The following CACNA2D3 variants were observed in gnomAD, a reference collection of about 807,000 sequenced individuals.
The protein encoded by CACNA2D3 is voltage-dependent calcium channel subunit alpha-2/delta-3.
In CACNA2D3, 60 loss-of-function variants were observed where a neutral mutation model predicts 160.6. The ratio of observed to expected loss-of-function variants is 0.37; its 90% confidence interval spans 0.30 to 0.46. The LOEUF is 0.46. Among genes scored for constraint, CACNA2D3 ranks in the 20% least tolerant of loss-of-function variants. The pLI is 1.00. For synonymous variants in CACNA2D3, 558 were observed against 492.9 expected (o/e 1.13, Z -1.75); for missense variants, 1,205 against 1,365.0 (o/e 0.88, Z 1.85).
Position 54,800,459 on chromosome 3 carries a change from G to A in CACNA2D3, c.1381-16394G>A, listed in dbSNP as rs569164748. ...CAGCCGGATGATCACCCACAATAAG[G>A]CTGAAGAATGGCAATTTTAATTGGA... On this transcript the variant is annotated intron_variant, in intron 13 of 37. Transcript: ENST00000474759. Among the ~76,000 whole-genome samples the A allele has an allele frequency of 5.3e-5, 8 of 152,248 alleles. No homozygotes were observed. The South Asian group carries it at 6.2e-4, about 12-fold the overall frequency.
At chr3:54,450,925 T>G (rs1361001458) in intron 4 of CACNA2D3, among the ~76,000 whole-genome samples, 1 of 152,160 alleles carries the variant, frequency 6.6e-6, no homozygotes, top group East Asian at 1.9e-4. Context: ...ACAAGTTATC[T>G]GCTTTTGAAA....
chr3:54,507,173 G>A (rs1701384488), intron 5 of CACNA2D3, among the ~76,000 whole-genome samples: 1 of 151,920 alleles, frequency 6.6e-6, no homozygotes, highest in African/African-American at 2.4e-5. Context: ...TGTCCACCCG[G>A]GTGAGACCCT....
intron 5 of CACNA2D3, among the ~76,000 whole-genome samples, chr3:54,538,433 T>C (rs1047604992): frequency 3.3e-5 from 5 of 152,160 alleles, no homozygotes; most frequent in African/African-American, 1.2e-4. Flanking sequence ...CATCCGTTCA[T>C]GAAGGAAGCT....
chr3:54,836,644 G>T (rs1698697172), intron 14 of CACNA2D3, among the ~76,000 whole-genome samples: 1 of 151,966 alleles, frequency 6.6e-6, no homozygotes, highest in African/African-American at 2.4e-5. Context: ...TTTCCATCTG[G>T]GACTGGCATT....
chr3:54,232,385 C>T (rs1478356794), intron 2 of CACNA2D3, among the ~76,000 whole-genome samples: 1 of 152,080 alleles, frequency 6.6e-6, no homozygotes, highest in African/African-American at 2.4e-5. Context: ...GTGTGAGTGT[C>T]AGTTGTCACT....
rs556972122 is a variant in CACNA2D3, at chr3:54,725,694, C to T, written c.1168-26905C>T. 2.0e-5 allele frequency among the ~76,000 whole-genome samples: 3 copies of T among 152,246 alleles called. No homozygotes were observed. The East Asian group carries it at 5.8e-4, about 29-fold the overall frequency. ...TTATCTCAATAGATGCAGAAAAGGC[C>T]TTTGACAAAATTCAACACCCCTTCA... On this transcript the variant is annotated intron_variant, in intron 11 of 37. Transcript: ENST00000474759.
chr3:54,687,121 C>CTTTTTTTTTTTTTTTTTTTTCTTTT (rs757838355), intron 11 of CACNA2D3, among the ~76,000 whole-genome samples: 1 of 94,934 alleles, frequency 1.1e-5, no homozygotes, highest in African/African-American at 4.0e-5. Flanking sequence ...TTTTCTTTTT[C>CTTTTTTTTTTTTTTTTTTTTCTTTT]TTTTTTTTTT....
intron 8 of CACNA2D3, among the ~76,000 whole-genome samples, chr3:54,571,745 A>G (rs929656167): frequency 6.6e-6 from 1 of 152,022 alleles, no homozygotes; most frequent in Non-Finnish European, 1.5e-5. Flanking sequence ...TGGAGGCAGC[A>G]TGGTGATGGG....
At position 55,009,523 on chromosome 3, in the gene CACNA2D3, C is replaced by G. The variant is rs868337445; in HGVS notation, c.2875+80C>G. 3.1e-6 allele frequency: 4 copies of G among 1,307,210 alleles called. No homozygotes were observed. In the Middle Eastern group the frequency reaches 7.4e-4, roughly 240 times the overall value. 81.0% of individuals were successfully genotyped at this position (1,307,210 alleles called of 1,614,324 possible). On this transcript the variant is annotated intron_variant, in intron 34 of 37. Coordinates refer to ENST00000474759, the MANE Select transcript of CACNA2D3 (RefSeq NM_018398.3). ...CTGGCTACTTTTCATCAGGGATGTG[C>G]TGGCTCACAGAAAATTCCCCAGGAC...
chr3:54,640,612 G>A (rs773751548), intron 10 of CACNA2D3, among the ~76,000 whole-genome samples: 5 of 152,090 alleles, frequency 3.3e-5, no homozygotes, highest in African/African-American at 7.2e-5. Context: ...ACCAGTGAGC[G>A]CAATCTTAGA....
chr3:54,200,474 A>G (rs1701158628), intron 2 of CACNA2D3, among the ~76,000 whole-genome samples: 1 of 152,234 alleles, frequency 6.6e-6, no homozygotes, highest in African/African-American at 2.4e-5. Context: ...TCAAAGAAGT[A>G]AGGAGAATAT....
chr3:54,238,550 A>C (rs1701922903), intron 2 of CACNA2D3, among the ~76,000 whole-genome samples: 1 of 152,216 alleles, frequency 6.6e-6, no homozygotes, highest in African/African-American at 2.4e-5. Flanking sequence ...GAAAGCAGTA[A>C]ATCTCAAGTT....
At chr3:54,942,733 A>T (rs1425715436) in intron 27 of CACNA2D3, among the ~76,000 whole-genome samples, 1 of 152,012 alleles carries the variant, frequency 6.6e-6, no homozygotes, top group Non-Finnish European at 1.5e-5. Context: ...TAAAAAAATA[A>T]AAAAAATTAG....
In CACNA2D3 at chr3:54,323,971, A is replaced by G. The variant is rs148200292; in HGVS notation, c.321+3413A>G. 7.2e-4 allele frequency among the ~76,000 whole-genome samples: 109 copies of G among 152,280 alleles called. 1 individual carries two copies. Among genetic ancestry groups the G allele is most frequent in the African/African-American group, 2.5e-3 (104 of 41,546 alleles). Reference sequence around the variant, plus strand: ...GTGACTCCAGGGACGTGTGTAAGAGAAACCTGGTTCACAAACAACCCTGAT... The same window carrying G: ...GTGACTCCAGGGACGTGTGTAAGAGGAACCTGGTTCACAAACAACCCTGAT... On this transcript the variant is annotated intron_variant, in intron 3 of 37. Coordinates refer to ENST00000474759, the MANE Select transcript of CACNA2D3 (RefSeq NM_018398.3).
chr3:54,623,051 A>G (rs1434404960), intron 9 of CACNA2D3, among the ~76,000 whole-genome samples: 1 of 152,190 alleles, frequency 6.6e-6, no homozygotes, highest in Admixed American at 6.5e-5. Flanking sequence ...AGCCAGGGTC[A>G]TTGGTTTGGT....
intron 32 of CACNA2D3, among the ~76,000 whole-genome samples, chr3:55,006,391 T>C (rs1193821265): frequency 6.6e-6 from 1 of 151,932 alleles, no homozygotes; most frequent in Non-Finnish European, 1.5e-5. Flanking sequence ...TTATTCACTC[T>C]CTCCTTCCCC....
rs957692245 is a variant in CACNA2D3 at position 54,245,734 on chromosome 3, T to G, written c.205-74708T>G. Among the ~76,000 whole-genome samples the G allele has an allele frequency of 5.9e-5, 9 of 152,354 alleles. No homozygotes were observed. In the East Asian group the frequency reaches 1.7e-3, roughly 29 times the overall value. On this transcript the variant is annotated intron_variant, in intron 2 of 37. Coordinates refer to ENST00000474759, the MANE Select transcript of CACNA2D3 (RefSeq NM_018398.3). ...CCCCAGTCTCTCATCAGTGTCATCA[T>G]GCATGAATACTGATTATGGAAAATA...
chr3:54,421,180 A>G (rs1483370871), intron 4 of CACNA2D3, among the ~76,000 whole-genome samples: 1 of 152,208 alleles, frequency 6.6e-6, no homozygotes, highest in African/African-American at 2.4e-5. Flanking sequence ...GTGTGGGAAC[A>G]TATCTATAAT....
intron 17 of CACNA2D3, among the ~76,000 whole-genome samples, chr3:54,847,875 C>CG (rs1559603464): frequency 1.3e-5 from 2 of 152,088 alleles, no homozygotes; most frequent in African/African-American, 4.8e-5. Context: ...GTTTGCGTGA[C>CG]AGAGTTTGGA....
Sources: gnomAD v4.1 joint callset for allele counts (sites outside exome capture counted in the v4.1 genomes callset) on GRCh38, gnomAD v4.1.1 for gene constraint, MANE v1.5 for transcripts, NCBI Gene and HGNC (gene_info 2026-07-23, HGNC 2026-07-21) for gene names.